AGO1: variants seen among roughly 807,000 people sequenced by gnomAD.
The protein encoded by AGO1 is argonaute RISC component 1, also known as protein argonaute-1.
Under a neutral mutation model 109.2 loss-of-function variants are expected in AGO1, and 11 were observed. The observed-to-expected ratio is 0.10, with a 90% CI of 0.06 to 0.17. The LOEUF is 0.17. Among genes scored for constraint, AGO1 ranks in the 10% least tolerant of loss-of-function variants. AGO1 has a pLI of 1.00. For missense variants in AGO1, 574 were observed against 1,140.3 expected (o/e 0.50, Z 7.15); for synonymous variants, 422 against 418.6 (o/e 1.01, Z -0.10).
chr1:35,890,686 C>T (rs1400286581), intron 2 of AGO1, among the ~76,000 whole-genome samples: 1 of 152,026 alleles, frequency 6.6e-6, no homozygotes, highest in African/African-American at 2.4e-5. Flanking sequence ...GACTGTTGGC[C>T]TAATACATTT....
At chr1:35,886,198 T>C (rs1244692297) in intron 1 of AGO1, among the ~76,000 whole-genome samples, 1 of 152,148 alleles carries the variant, frequency 6.6e-6, no homozygotes, top group Non-Finnish European at 1.5e-5. Flanking sequence ...GGCCCAAGCT[T>C]TGTCCTCTGT....
chr1:35,905,098 C>T (rs1645495467), intron 11 of AGO1, among the ~76,000 whole-genome samples: 1 of 152,154 alleles, frequency 6.6e-6, no homozygotes, highest in East Asian at 1.9e-4. Context: ...TTTGTGGCCC[C>T]CAGCATTGGA....
At position 35,893,374 on chromosome 1, in the gene AGO1, TA is replaced by T. The variant is rs1037942637; in HGVS notation, c.512+107del. ...ATATTAAGGTCCCACAGAGTGCCAT[TA>T]AAAAAAAAAATTATTTGAAGCCCTA... On this transcript the variant is annotated intron_variant, in intron 4 of 18. Transcript: ENST00000373204. This position sits in a 1 kb window ranked among gnomAD's most constrained non-coding sequence, Gnocchi z 5.6. 18,368 of 1,031,118 alleles carry T rather than the reference TA, an allele frequency of 0.018. No individual in the cohort carries two copies. The highest frequency in any genetic ancestry group is 0.024 in the South Asian group (1,203 of 50,200). The allele number at this position is 1,031,118 out of a possible 1,614,324, so 63.9% of individuals were successfully genotyped here. A position where few individuals can be genotyped will look rare whatever the true frequency, so the allele number is the denominator to read the frequency against.
chr1:35,878,480 G>T (rs1645009781), upstream of AGO1, among the ~76,000 whole-genome samples: 1 of 152,108 alleles, frequency 6.6e-6, no homozygotes, highest in African/African-American at 2.4e-5. Flanking sequence ...ATATGTATTT[G>T]TTTCTTCTTA....
chr1:35,917,672 T>C lies in AGO1; in HGVS notation c.2108T>C (p.Ile703Thr). 6.2e-7 allele frequency: 1 copy of C among 1,613,792 alleles called. No individual in the cohort carries two copies. The highest frequency in any genetic ancestry group is 8.5e-7 in the Non-Finnish European group (1 of 1,179,752). The change falls in exon 16 of 19, where the codon ATT (isoleucine) becomes ACT (threonine). Residue 703 changes from isoleucine to threonine, a missense_variant. Coordinates refer to ENST00000373204, the MANE Select transcript of AGO1 (RefSeq NM_012199.5). ...GACTACCAGCCTGGGATCACTTATA[T>C]TGTGGTGCAGAAACGCCATCACACC... ...EKDYQPGITY[I>T]VVQKRHHTRL...
At position 35,919,655 on chromosome 1, in the gene AGO1, C is replaced by T. The variant is rs1343703234; in HGVS notation, c.*48C>T. 1.3e-6 allele frequency: 2 copies of T among 1,558,124 alleles called. No homozygotes were observed. The highest frequency in any genetic ancestry group is 1.4e-5 in the African/African-American group (1 of 74,034). On this transcript the variant is annotated 3_prime_UTR_variant, in exon 19 of 19. Coordinates refer to ENST00000373204, the MANE Select transcript of AGO1 (RefSeq NM_012199.5). The surrounding 1 kb of genome is among the most constrained non-coding windows in gnomAD (Gnocchi z 6.6). ...TGGATAGAAGAAAGCTTTCCAAGCC[C>T]CAGGAGCTGTGCCACCCAAATCCAG... is the stretch of plus-strand genomic sequence containing the variant.
chr1:35,872,609 G>C (rs1181916305), intron 1 of AGO1, among the ~76,000 whole-genome samples: 1 of 151,478 alleles, frequency 6.6e-6, no homozygotes, highest in Non-Finnish European at 1.5e-5. Context: ...GTGTGGCTCT[G>C]TCGCCCAGGC....
chr1:35,877,842 G>A (rs1286285602), intron 1 of AGO1, among the ~76,000 whole-genome samples: 3 of 151,442 alleles, frequency 2.0e-5, no homozygotes, highest in East Asian at 2.0e-4. Context: ...GCAGGCGAGC[G>A]CCACCACGCC....
In AGO1 at chr1:35,927,444, A is replaced by G. The variant is rs1475802643; in HGVS notation, c.*7837A>G. 2 of 152,132 alleles carry G rather than the reference A, an allele frequency of 1.3e-5. No individual in the cohort carries two copies. The highest frequency in any genetic ancestry group is 2.4e-5 in the African/African-American group (1 of 41,426). The allele number at this position is 152,132 out of a possible 1,614,324, so 9.4% of individuals were successfully genotyped here. ...CACGCCAGTTCGCCTCATGGTCCCAATATGGCTACTGTAATTCTGGGAAGG... is the reference window on the plus strand; with the variant it reads ...CACGCCAGTTCGCCTCATGGTCCCAGTATGGCTACTGTAATTCTGGGAAGG... On this transcript the variant is annotated 3_prime_UTR_variant, in exon 19 of 19. Transcript: ENST00000373204.
intron 2 of AGO1, among the ~76,000 whole-genome samples, chr1:35,889,181 T>C (rs1405250659): frequency 1.3e-5 from 2 of 149,388 alleles, no homozygotes; most frequent in East Asian, 3.9e-4. Flanking sequence ...AAGTGATATT[T>C]CCTTTTTTTT....
Position 35,901,325 on chromosome 1 carries a change from A to G in AGO1, c.1021-149A>G, listed in dbSNP as rs561318457. ...TTTTCTAATTTACCTATCAAATGAT[A>G]CTCAGGAGGAGAATACATGTATGCA... On this transcript the variant is annotated intron_variant, in intron 8 of 18. Coordinates refer to ENST00000373204, the MANE Select transcript of AGO1 (RefSeq NM_012199.5). This position sits in a 1 kb window ranked among gnomAD's most constrained non-coding sequence, Gnocchi z 4.8. The G allele has an allele frequency of 6.7e-4, 613 of 920,230 alleles. 2 individuals carry two copies. The highest frequency in any genetic ancestry group is 9.1e-4 in the Non-Finnish European group (546 of 602,064). The allele number at this position is 920,230 out of a possible 1,614,324, so 57.0% of individuals were successfully genotyped here.
chr1:35,917,482 G>T, intron 15 of AGO1, 111 bp from the exon 16 acceptor site: 2 of 1,291,272 alleles, frequency 1.5e-6, no homozygotes, highest in South Asian at 1.7e-5. Flanking sequence ...TATAAAGGGA[G>T]ACTGAGCCAA....
At chr1:35,873,921 A>C (rs1644973174) in intron 1 of AGO1, among the ~76,000 whole-genome samples, 1 of 152,148 alleles carries the variant, frequency 6.6e-6, no homozygotes, top group African/African-American at 2.4e-5. Context: ...TGTTTTTACA[A>C]ATTGAAGGTT....
At chr1:35,876,481 T>C (rs1404435955) in intron 1 of AGO1, among the ~76,000 whole-genome samples, 3 of 152,116 alleles carry the variant, frequency 2.0e-5, no homozygotes, top group Non-Finnish European at 4.4e-5. Context: ...TTAGCCAGGA[T>C]GGTCTTGATC....
In AGO1 at chr1:35,883,470, C is replaced by A. The variant is rs756217858; in HGVS notation, c.25+24C>A. On this transcript the variant is annotated intron_variant, in intron 1 of 18. Transcript: ENST00000373204. The surrounding 1 kb of genome is among the most constrained non-coding windows in gnomAD (Gnocchi z 5.4). ...AGGTAAGGGTCCCCAGGAGGGGGAA[C>A]GGTGCATGCTCCAAGGACTGGGGGA... 4 of 1,551,668 alleles carry A rather than the reference C, an allele frequency of 2.6e-6. No individual in the cohort carries two copies. Among genetic ancestry groups the A allele is most frequent in the South Asian group, 1.2e-5 (1 of 83,710 alleles).
intron 12 of AGO1, among the ~76,000 whole-genome samples, chr1:35,907,867 G>A (rs974956151): frequency 1.3e-5 from 2 of 152,126 alleles, no homozygotes; most frequent in Non-Finnish European, 2.9e-5. Flanking sequence ...GTTCACACCT[G>A]TAATCCCAGC....
At position 35,892,684 on chromosome 1, in the gene AGO1, T is replaced by TTGG; in HGVS notation, c.330+8_330+10dup. ...GCCCATTGGCAACGAACGGGTAAGG[T>TTGG]TGGGAGTCAGGCTAGGCCTGTGTCA... is the stretch of plus-strand genomic sequence containing the variant. On this transcript the variant is annotated splice_region_variant and intron_variant, in intron 3 of 18. Coordinates refer to ENST00000373204, the MANE Select transcript of AGO1 (RefSeq NM_012199.5). The TTGG allele has an allele frequency of 6.2e-7, 1 of 1,614,154 alleles. No individual in the cohort carries two copies. Among genetic ancestry groups the TTGG allele is most frequent in the Non-Finnish European group, 8.5e-7 (1 of 1,180,024 alleles).
chr1:35,883,002 C>T, upstream of AGO1: 3 of 925,770 alleles, frequency 3.2e-6, no homozygotes, highest in Non-Finnish European at 3.9e-6. The surrounding 1 kb of genome is among the most constrained non-coding windows in gnomAD (Gnocchi z 5.4). Context: ...GATGTCCCTT[C>T]GCCCTGCCCC....
intron 17 of AGO1, 97 bp downstream of exon 17, chr1:35,918,520 A>G (rs1409526976): frequency 4.1e-6 from 4 of 986,842 alleles, no homozygotes; most frequent in East Asian, 2.4e-5. Flanking sequence ...ATGACATCCA[A>G]ATTAGGATTG....
Sources: gnomAD v4.1 joint callset for allele counts (sites outside exome capture counted in the v4.1 genomes callset) on GRCh38, gnomAD v4.1.1 for gene constraint, Gnocchi (gnomAD v3.1) non-coding constraint, MANE v1.5 for transcripts, NCBI Gene and HGNC (gene_info 2026-07-23, HGNC 2026-07-21) for gene names.